TBC1D5: variants seen among roughly 807,000 people sequenced by gnomAD.
TBC1D5 encodes the protein TBC1 domain family member 5, also known as TBC1 domain family, member 5.
A neutral mutation model predicts 100.3 loss-of-function variants in TBC1D5; 75 were observed. The observed-to-expected ratio is 0.75, with a 90% CI of 0.62 to 0.91. The LOEUF (loss-of-function observed/expected upper bound fraction) is 0.91, where lower values mean the gene tolerates loss of function less well. TBC1D5 is among the 40% of genes least tolerant of loss of function. The probability of loss-of-function intolerance (pLI) is 0.00; values close to 1 mark genes in which losing one functional copy is unlikely to be tolerated. For missense variants in TBC1D5, 910 were observed against 942.4 expected, an observed-to-expected ratio of 0.97 and a Z score of 0.45; for synonymous variants, 323 against 325.6, an observed-to-expected ratio of 0.99 and a Z score of 0.09.
At chr3:17,544,379 G>C (rs984306809) in intron 2 of TBC1D5, among the ~76,000 whole-genome samples, 1 of 152,164 alleles carries the variant, frequency 6.6e-6, no homozygotes, top group East Asian at 1.9e-4. Context: ...TCGGCCGGGC[G>C]CACTGGCTCA....
chr3:17,678,074 G>T (rs1383183884), intron 1 of TBC1D5, among the ~76,000 whole-genome samples: 1 of 152,058 alleles, frequency 6.6e-6, no homozygotes, highest in Non-Finnish European at 1.5e-5. Context: ...CACCAGCATG[G>T]CACATGTATA....
At chr3:17,652,465 C>T (rs1038375206) in intron 1 of TBC1D5, among the ~76,000 whole-genome samples, 19 of 151,898 alleles carry the variant, frequency 1.3e-4, no homozygotes, top group Admixed American at 7.2e-4. Flanking sequence ...TTCCTTAAAC[C>T]GGTAAATTTC....
chr3:17,553,505 T>C (rs2096490652), intron 2 of TBC1D5, among the ~76,000 whole-genome samples: 1 of 152,192 alleles, frequency 6.6e-6, no homozygotes, highest in Non-Finnish European at 1.5e-5. Flanking sequence ...ATGGAAATTA[T>C]TCCTGCAAGT....
intron 19 of TBC1D5, among the ~76,000 whole-genome samples, chr3:17,176,103 G>A (rs1432873484): frequency 6.6e-6 from 1 of 152,164 alleles, no homozygotes; most frequent in East Asian, 1.9e-4. Flanking sequence ...GACAGAGCTG[G>A]GACTGAATCC....
At chr3:17,432,564 G>A (rs1421235708) in intron 3 of TBC1D5, among the ~76,000 whole-genome samples, 5 of 152,014 alleles carry the variant, frequency 3.3e-5, no homozygotes, top group African/African-American at 1.2e-4. Context: ...AAAAAAATGT[G>A]TCAATTTTAT....
intron 2 of TBC1D5, among the ~76,000 whole-genome samples, chr3:17,562,545 A>G (rs2096566172): frequency 6.6e-6 from 1 of 152,040 alleles, no homozygotes; most frequent in Non-Finnish European, 1.5e-5. Context: ...AAGATTCCCT[A>G]TACACTAAAC....
At chr3:17,574,337 T>C (rs1373325087) in intron 2 of TBC1D5, among the ~76,000 whole-genome samples, 1 of 152,020 alleles carries the variant, frequency 6.6e-6, no homozygotes, top group East Asian at 1.9e-4. Flanking sequence ...CTTTGTACTG[T>C]TGATTATAAT....
chr3:17,301,861 T>C (rs2082878649), intron 14 of TBC1D5, among the ~76,000 whole-genome samples: 1 of 152,178 alleles, frequency 6.6e-6, no homozygotes, highest in African/African-American at 2.4e-5. Flanking sequence ...AGTTAAAAAA[T>C]AGTGTGGTGG....
intron 15 of TBC1D5, among the ~76,000 whole-genome samples, chr3:17,269,368 G>A (rs1007848961): frequency 7.2e-5 from 11 of 152,108 alleles, no homozygotes; most frequent in African/African-American, 1.7e-4. Context: ...TGGGACTGCC[G>A]ATAGCAGAGA....
intron 16 of TBC1D5, among the ~76,000 whole-genome samples, chr3:17,241,411 C>CA (rs1170452038): frequency 1.3e-5 from 2 of 152,158 alleles, no homozygotes; most frequent in Admixed American, 6.6e-5. Flanking sequence ...TTGAAATAAA[C>CA]AGCAAGAGGA....
intron 19 of TBC1D5, among the ~76,000 whole-genome samples, chr3:17,175,525 T>C (rs2067626035): frequency 6.6e-6 from 1 of 152,174 alleles, no homozygotes; most frequent in African/African-American, 2.4e-5. Flanking sequence ...ATTTTTAAAC[T>C]TGAAAGGTCT....
At chr3:17,346,013 T>C (rs2089811445) in intron 13 of TBC1D5, among the ~76,000 whole-genome samples, 1 of 152,128 alleles carries the variant, frequency 6.6e-6, no homozygotes, top group Admixed American at 6.6e-5. Flanking sequence ...GGCACATGTA[T>C]ACATATGTAA....
chr3:17,562,372 AG>A (rs2096564752), intron 2 of TBC1D5, among the ~76,000 whole-genome samples: 1 of 152,060 alleles, frequency 6.6e-6, no homozygotes, highest in Admixed American at 6.5e-5. Flanking sequence ...CCAACCCAAT[AG>A]GTCAAGTAAA....
At position 17,617,724 on chromosome 3, in the gene TBC1D5, C is replaced by T. The variant is rs577782685; in HGVS notation, c.-36+6125G>A. 2.6e-5 allele frequency among the ~76,000 whole-genome samples: 4 copies of T among 152,250 alleles called. No individual in the cohort carries two copies. In the South Asian group the frequency reaches 6.2e-4, roughly 24 times the overall value. On this transcript the variant is annotated intron_variant, in intron 2 of 21. Transcript: ENST00000253692. ...GCTTGTGCGTGCATCACGAAGTTCT[C>T]GTGCCATGGTTTTCAGCTCCATCAG...
At chr3:17,591,245 A>AC (rs1560227727) in intron 2 of TBC1D5, among the ~76,000 whole-genome samples, 10 of 119,204 alleles carry the variant, frequency 8.4e-5, no homozygotes, top group Admixed American at 1.7e-4. Flanking sequence ...AAAAAAAAAA[A>AC]AAAAAAAAAA....
chr3:17,278,545 T>C (rs1484069694), intron 15 of TBC1D5, among the ~76,000 whole-genome samples: 1 of 152,236 alleles, frequency 6.6e-6, no homozygotes, highest in South Asian at 2.1e-4. Context: ...TGGTATTTTT[T>C]AAACAGTAGT....
rs377093124 is a variant in TBC1D5 at position 17,634,172 on chromosome 3, A to G, written c.-100-10259T>C. On this transcript the variant is annotated intron_variant, in intron 1 of 21. Coordinates refer to ENST00000253692, the Ensembl canonical transcript of TBC1D5. Reference sequence around the variant, plus strand: ...ATGGAGAACAGTTTAGAGATTCCTCAAAAAAACTAAAAATTGAGCTACTAT... The same window carrying G: ...ATGGAGAACAGTTTAGAGATTCCTCGAAAAAACTAAAAATTGAGCTACTAT... Among the ~76,000 whole-genome samples the G allele has an allele frequency of 1.0e-3, 155 of 152,256 alleles. 2 individuals carry two copies. The South Asian group carries it at 0.018, about 18-fold the overall frequency.
At chr3:17,713,388 C>T (rs1390030078) in intron 1 of TBC1D5, among the ~76,000 whole-genome samples, 3 of 151,886 alleles carry the variant, frequency 2.0e-5, no homozygotes, top group Non-Finnish European at 4.4e-5. Flanking sequence ...ACTACAGGTG[C>T]CCGTCACCAC....
At chr3:17,215,512 G>A (rs2073529337) in intron 17 of TBC1D5, among the ~76,000 whole-genome samples, 1 of 152,178 alleles carries the variant, frequency 6.6e-6, no homozygotes, top group South Asian at 2.1e-4. Context: ...GACCTGCTGA[G>A]TCTATGGTGC....
Sources: allele counts gnomAD v4.1 joint callset (sites outside exome capture counted in the v4.1 genomes callset), GRCh38; gene constraint gnomAD v4.1.1; transcripts MANE v1.5; gene names NCBI Gene and HGNC (gene_info 2026-07-23, HGNC 2026-07-21).